The following ATG7 variants were observed in gnomAD, a reference collection of about 807,000 sequenced individuals.
The protein encoded by ATG7 is ubiquitin-like modifier-activating enzyme ATG7.
ATG7 carries 70 observed loss-of-function variants against 82.4 expected under a neutral mutation model. That is an observed-to-expected ratio of 0.85 (90% confidence interval 0.70 to 1.04). The LOEUF (loss-of-function observed/expected upper bound fraction) is 1.04. Ranked by LOEUF, ATG7 falls within the 50% of genes least tolerant of loss-of-function variation. The pLI, the probability that ATG7 is intolerant of heterozygous loss-of-function variation, is 0.00. For missense variants in ATG7, 792 were observed against 864.3 expected (o/e 0.92, Z 1.05); for synonymous variants, 287 against 313.0 (o/e 0.92, Z 0.88).
At chr3:11,484,640 G>A (rs1024145613) in intron 20 of ATG7, among the ~76,000 whole-genome samples, 1 of 152,148 alleles carries the variant, frequency 6.6e-6, no homozygotes, top group Non-Finnish European at 1.5e-5. Flanking sequence ...ATGCTGGTGT[G>A]CTGCACCCAT....
chr3:11,526,047 G>A (rs1163956961), intron 20 of ATG7, among the ~76,000 whole-genome samples: 1 of 152,150 alleles, frequency 6.6e-6, no homozygotes, highest in East Asian at 1.9e-4. Flanking sequence ...CTGCTGCTCT[G>A]TTTCCCAAAT....
At chr3:11,438,778 C>A (rs1303359416) in intron 20 of ATG7, among the ~76,000 whole-genome samples, 6 of 151,948 alleles carry the variant, frequency 3.9e-5, no homozygotes, top group Admixed American at 3.9e-4. Context: ...AAAGTGAAAA[C>A]TAAAGGAATT....
chr3:11,489,309 TG>T (rs1304035131), intron 20 of ATG7, among the ~76,000 whole-genome samples: 1 of 152,234 alleles, frequency 6.6e-6, no homozygotes, highest in Non-Finnish European at 1.5e-5. Context: ...TGTATTTCTG[TG>T]GGATTGGTGG....
intron 20 of ATG7, among the ~76,000 whole-genome samples, chr3:11,538,025 T>C (rs956510561): frequency 2.6e-5 from 3 of 116,122 alleles, no homozygotes; most frequent in African/African-American, 7.9e-5. Flanking sequence ...GAAGAGGGCA[T>C]AGGTCCCAGT....
intron 5 of ATG7, among the ~76,000 whole-genome samples, chr3:11,303,917 C>CAAAAAAAAAAA (rs55893689): frequency 1.3e-5 from 1 of 75,898 alleles, no homozygotes; most frequent in African/African-American, 4.9e-5. Flanking sequence ...ACTAAAAATG[C>CAAAAAAAAAAA]AAAAAAAAAA....
At chr3:11,339,388 G>C (rs1173279433) in intron 11 of ATG7, among the ~76,000 whole-genome samples, 1 of 151,772 alleles carries the variant, frequency 6.6e-6, no homozygotes, top group Non-Finnish European at 1.5e-5. Flanking sequence ...TTAACTTCAA[G>C]TCAAGGAGTT....
intron 20 of ATG7, among the ~76,000 whole-genome samples, chr3:11,472,604 A>G (rs555053270): frequency 1.3e-5 from 2 of 152,302 alleles, no homozygotes; most frequent in South Asian, 2.1e-4. Flanking sequence ...AGAGCAACAG[A>G]TGTCCACTGT....
intron 20 of ATG7, among the ~76,000 whole-genome samples, chr3:11,437,241 A>G (rs912425269): frequency 6.6e-6 from 1 of 152,216 alleles, no homozygotes; most frequent in African/African-American, 2.4e-5. Context: ...TCTGTAGATT[A>G]TGACAAGGAT....
chr3:11,488,813 T>C lies in ATG7; in HGVS notation c.2079+61887T>C, dbSNP rs569105470. On this transcript the variant is annotated intron_variant, in intron 20 of 20. Coordinates refer to ENST00000693202, the MANE Select transcript of ATG7 (RefSeq NM_001349232.2). ...TGCTGGATTCGGTTTGCCAGTATTTTATTGAGGATTTTTGCATCAATGTTC... is the reference window on the plus strand; with the variant it reads ...TGCTGGATTCGGTTTGCCAGTATTTCATTGAGGATTTTTGCATCAATGTTC... Among the ~76,000 whole-genome samples the C allele has an allele frequency of 7.2e-4, 109 of 152,360 alleles. No individual in the cohort carries two copies. In the South Asian group the frequency reaches 0.021, roughly 29 times the overall value.
At chr3:11,284,058 C>T (rs1263166436) in intron 3 of ATG7, among the ~76,000 whole-genome samples, 1 of 152,108 alleles carries the variant, frequency 6.6e-6, no homozygotes, top group African/African-American at 2.4e-5. Context: ...AAACTAGAGG[C>T]CTGTGTGTCT....
intron 20 of ATG7, among the ~76,000 whole-genome samples, chr3:11,490,122 G>T (rs2090191283): frequency 6.6e-6 from 1 of 152,070 alleles, no homozygotes; most frequent in Non-Finnish European, 1.5e-5. Context: ...AAGTCTCTTT[G>T]TAGGTCACTC....
At chr3:11,306,751 T>C (rs551683902) in intron 5 of ATG7, among the ~76,000 whole-genome samples, 192 bp from the exon 6 acceptor site, 213 of 152,270 alleles carry the variant, frequency 1.4e-3, no homozygotes, top group Non-Finnish European at 1.9e-3. Flanking sequence ...ATATAGGCTT[T>C]TAGGGGGGAA....
chr3:11,432,294 C>T (rs2082964122), intron 20 of ATG7, among the ~76,000 whole-genome samples: 1 of 151,988 alleles, frequency 6.6e-6, no homozygotes, highest in Non-Finnish European at 1.5e-5. Flanking sequence ...CCATTTAGCA[C>T]AGTGAGGAGA....
rs34530409 is a variant in ATG7 at position 11,452,384 on chromosome 3, CAAAAAAAAAAA to C, written c.2079+25472_2079+25482del. ...TGGGCGACAGAGCGAGAACCTGTCT[CAAAAAAAAAAA>C]AAAAAAAAAAAAAGGAAATGTTCTG... On this transcript the variant is annotated intron_variant, in intron 20 of 20. Coordinates refer to ENST00000693202, the MANE Select transcript of ATG7 (RefSeq NM_001349232.2). Among the ~76,000 whole-genome samples, 38 of 58,416 alleles carry C rather than the reference CAAAAAAAAAAA, an allele frequency of 6.5e-4. 1 individual carries two copies. Among genetic ancestry groups the C allele is most frequent in the African/African-American group, 1.4e-3 (19 of 13,110 alleles). 38.3% of individuals were successfully genotyped at this position (58,416 alleles called of 152,430 possible).
intron 19 of ATG7, among the ~76,000 whole-genome samples, chr3:11,380,909 T>C (rs372430052): frequency 2.0e-5 from 3 of 152,298 alleles, no homozygotes; most frequent in African/African-American, 7.2e-5. Context: ...TAGGGATGTA[T>C]TTCTCTATTC....
At chr3:11,417,816 T>TTA (rs1491371791) in intron 19 of ATG7, among the ~76,000 whole-genome samples, 9 of 48,156 alleles carry the variant, frequency 1.9e-4, no homozygotes, top group African/African-American at 5.2e-4. Flanking sequence ...TTTTATTTTA[T>TTA]TTTTTTTTTT....
intron 18 of ATG7, among the ~76,000 whole-genome samples, chr3:11,366,970 G>GATGTGT (rs2076653927): frequency 1.3e-5 from 1 of 79,942 alleles, no homozygotes; most frequent in Non-Finnish European, 2.5e-5. Context: ...TATGGGAAAA[G>GATGTGT]CTGTGTGTGT....
chr3:11,354,376 G>A (rs1288937348), intron 14 of ATG7, among the ~76,000 whole-genome samples: 2 of 152,246 alleles, frequency 1.3e-5, no homozygotes, highest in Admixed American at 6.5e-5. Context: ...GAGGCCGGGC[G>A]CAATTGCTCA....
chr3:11,507,624 A>T (rs1448997395), intron 20 of ATG7, among the ~76,000 whole-genome samples: 1 of 152,166 alleles, frequency 6.6e-6, no homozygotes, highest in Non-Finnish European at 1.5e-5. Context: ...TGCTAAAGTT[A>T]TGGGTGTTTT....
Sources: gnomAD v4.1 joint callset for allele counts (sites outside exome capture counted in the v4.1 genomes callset) on GRCh38, gnomAD v4.1.1 for gene constraint, MANE v1.5 for transcripts, NCBI Gene and HGNC (gene_info 2026-07-23, HGNC 2026-07-21) for gene names.